FRY: variants seen among roughly 807,000 people sequenced by gnomAD.
The protein encoded by FRY is protein furry homolog.
FRY carries 128 observed loss-of-function variants against 348.4 expected under a neutral mutation model. The observed-to-expected ratio is 0.37, with a 90% CI of 0.32 to 0.43. FRY has a LOEUF of 0.43. Ranked by LOEUF, FRY falls within the 20% of genes least tolerant of loss-of-function variation. The pLI is 1.00. For synonymous variants in FRY, 1,370 were observed against 1,374.7 expected (o/e 1.00, Z 0.08); for missense variants, 2,736 against 3,695.2 (o/e 0.74, Z 6.73).
At chr13:32,293,285 A>T (rs1450591310) in intron 59 of FRY, among the ~76,000 whole-genome samples, 2 of 152,208 alleles carry the variant, frequency 1.3e-5, no homozygotes, top group Admixed American at 1.3e-4. Context: ...TTGCTTTCAA[A>T]TTTAAAACTA....
chr13:32,159,041 A>G (rs1019942291), intron 16 of FRY, among the ~76,000 whole-genome samples: 2 of 151,866 alleles, frequency 1.3e-5, no homozygotes, highest in Non-Finnish European at 2.9e-5. Flanking sequence ...GGACAAAAAC[A>G]TTATATTCAA....
chr13:32,038,139 T>A (rs1459823791), intron 1 of FRY, among the ~76,000 whole-genome samples: 1 of 152,218 alleles, frequency 6.6e-6, no homozygotes, highest in Non-Finnish European at 1.5e-5. Flanking sequence ...AAGACTTAAT[T>A]CTTCCTAAGT....
At chr13:32,161,718 T>C (rs984445516) in intron 17 of FRY, among the ~76,000 whole-genome samples, 1 of 152,248 alleles carries the variant, frequency 6.6e-6, no homozygotes, top group Admixed American at 6.5e-5. Flanking sequence ...TGATACCCAA[T>C]CTGAGGCCCA....
intron 28 of FRY, among the ~76,000 whole-genome samples, chr13:32,193,534 C>T (rs1241500748): frequency 2.0e-5 from 3 of 149,956 alleles, no homozygotes; most frequent in South Asian, 4.2e-4. Context: ...AAACCAAATA[C>T]GTGTATTTTT....
At chr13:32,090,762 A>G (rs961654712) in intron 2 of FRY, among the ~76,000 whole-genome samples, 5 of 152,024 alleles carry the variant, frequency 3.3e-5, no homozygotes, top group African/African-American at 9.6e-5. Context: ...CTTTTGTTCA[A>G]TTAAAATGAA....
chr13:32,170,287 A>G (rs1270236896), intron 17 of FRY, among the ~76,000 whole-genome samples: 2 of 152,210 alleles, frequency 1.3e-5, no homozygotes, highest in Non-Finnish European at 2.9e-5. Context: ...CATATACAGT[A>G]CAGCTAAATG....
intron 55 of FRY, 21 bp downstream of exon 55, chr13:32,267,380 T>A (rs1887977208): frequency 1.2e-6 from 2 of 1,604,394 alleles, no homozygotes; most frequent in Middle Eastern, 1.7e-4. Context: ...TCACTGAAAG[T>A]GCAGAGGACT....
chr13:32,079,056 G>T, intron 2 of FRY, 23 bp downstream of exon 2: 1 of 1,532,476 alleles, frequency 6.5e-7, no homozygotes, highest in Non-Finnish European at 9.0e-7. Flanking sequence ...CGTGGAAACT[G>T]CCTCTTTGAA....
At chr13:32,267,656 T>C (rs1247911143) in intron 55 of FRY, among the ~76,000 whole-genome samples, 1 of 152,166 alleles carries the variant, frequency 6.6e-6, no homozygotes, top group African/African-American at 2.4e-5. Context: ...ATTAAGGGAA[T>C]CTTCTGCCAG....
At chr13:32,292,248 G>A (rs900536400) in intron 59 of FRY, among the ~76,000 whole-genome samples, 8 of 152,054 alleles carry the variant, frequency 5.3e-5, no homozygotes, top group African/African-American at 1.4e-4. Flanking sequence ...CTCCCAAAGT[G>A]CTGGGATTAC....
intron 14 of FRY, among the ~76,000 whole-genome samples, chr13:32,154,956 A>T (rs1462452955): frequency 6.6e-6 from 1 of 152,222 alleles, no homozygotes; most frequent in Admixed American, 6.5e-5. Flanking sequence ...TTTCATCAGT[A>T]ACAGGTTCTG....
chr13:32,095,623 G>A (rs1015556345), intron 2 of FRY, among the ~76,000 whole-genome samples: 5 of 152,044 alleles, frequency 3.3e-5, no homozygotes, highest in Admixed American at 1.3e-4. Context: ...GATTATAGGC[G>A]TGAGCCACCC....
rs766448362 is a variant in FRY at position 32,225,785 on chromosome 13, C to T, written c.5021-4C>T. 24 of 1,610,212 alleles carry T rather than the reference C, an allele frequency of 1.5e-5. No homozygotes were observed. On this transcript the variant is annotated splice_region_variant and splice_polypyrimidine_tract_variant and intron_variant, in intron 38 of 60. Coordinates refer to ENST00000542859, the MANE Select transcript of FRY (RefSeq NM_023037.3). ...TATACTTAGATTCTACTGTTTTGTT[C>T]CAGGTTTAGACCACTACCGGCCTGA...
At chr13:32,225,444 C>T (rs979909516) in intron 38 of FRY, among the ~76,000 whole-genome samples, 1 of 152,178 alleles carries the variant, frequency 6.6e-6, no homozygotes, top group African/African-American at 2.4e-5. Context: ...CAGGGAAACT[C>T]AGAAATTCAG....
rs771956918 is a variant in FRY at position 32,270,932 on chromosome 13, C to T, written c.8136+3573C>T. On this transcript the variant is annotated intron_variant, in intron 55 of 60. Transcript: ENST00000542859. ...AGGAAGAATAAATGGAAACCTTAAACACACAGCTTCTAACTTCATGTCAGT... is the reference window on the plus strand; with the variant it reads ...AGGAAGAATAAATGGAAACCTTAAATACACAGCTTCTAACTTCATGTCAGT... Among the ~76,000 whole-genome samples, 11 of 152,360 alleles carry T rather than the reference C, an allele frequency of 7.2e-5. No individual in the cohort carries two copies. The Middle Eastern group carries it at 0.01, about 141-fold the overall frequency.
chr13:32,089,775 AAG>A (rs1009409632), intron 2 of FRY, among the ~76,000 whole-genome samples: 11 of 91,132 alleles, frequency 1.2e-4, no homozygotes, highest in African/African-American at 2.0e-4. Context: ...AAAAGAAAAA[AAG>A]AAGAAGGAAT....
At chr13:32,092,729 C>A (rs922675065) in intron 2 of FRY, among the ~76,000 whole-genome samples, 4 of 152,162 alleles carry the variant, frequency 2.6e-5, no homozygotes, top group Admixed American at 2.0e-4. Flanking sequence ...AGAGTGCGAA[C>A]TGAGGACTAC....
At chr13:32,244,331 G>A (rs969157538) in intron 47 of FRY, 149 bp downstream of exon 47, 41 of 742,764 alleles carry the variant, frequency 5.5e-5, no homozygotes, top group Non-Finnish European at 7.9e-5. Context: ...AAGAGTGGGA[G>A]TTGGCCACAC....
intron 44 of FRY, among the ~76,000 whole-genome samples, chr13:32,238,836 CTTATT>C (rs1463559106): frequency 6.6e-6 from 1 of 152,166 alleles, no homozygotes; most frequent in Non-Finnish European, 1.5e-5. Context: ...TAAGCCATTC[CTTATT>C]TTAAAGAGTC....
Sources: gnomAD v4.1 joint callset for allele counts (sites outside exome capture counted in the v4.1 genomes callset) on GRCh38, gnomAD v4.1.1 for gene constraint, MANE v1.5 for transcripts, NCBI Gene and HGNC (gene_info 2026-07-23, HGNC 2026-07-21) for gene names.